The following PLD5 variants were observed in gnomAD, a reference collection of about 807,000 sequenced individuals.
PLD5 encodes inactive phospholipase D5.
Under a neutral mutation model 61.1 loss-of-function variants are expected in PLD5, and 36 were observed. The ratio of observed to expected loss-of-function variants is 0.59; its 90% CI spans 0.45 to 0.78. The LOEUF (loss-of-function observed/expected upper bound fraction) is 0.78, where lower values mean the gene tolerates loss of function less well. Ranked by LOEUF, PLD5 falls within the 30% of genes least tolerant of loss-of-function variation. The pLI is 0.00. For missense variants in PLD5, 515 were observed against 644.4 expected, an observed-to-expected ratio of 0.80 and a Z score of 2.17; for synonymous variants, 243 against 242.8, an observed-to-expected ratio of 1.00 and a Z score of -0.01.
At chr1:242,215,822 A>C (rs531809968) in intron 5 of PLD5, among the ~76,000 whole-genome samples, 14 of 152,240 alleles carry the variant, frequency 9.2e-5, no homozygotes, top group Admixed American at 5.9e-4. Flanking sequence ...CTGGACACAG[A>C]CACCATTCAC....
intron 1 of PLD5, among the ~76,000 whole-genome samples, chr1:242,395,226 C>T (rs1663501498): frequency 6.6e-6 from 1 of 151,734 alleles, no homozygotes; most frequent in South Asian, 2.1e-4. Context: ...TAAAGTTTTA[C>T]TTCATAGGCA....
chr1:242,095,311 C>T (rs1027139115), intron 9 of PLD5, among the ~76,000 whole-genome samples: 2 of 152,186 alleles, frequency 1.3e-5, no homozygotes, highest in East Asian at 3.9e-4. Context: ...TGGCTTACTG[C>T]AGCCTCTGTC....
At chr1:242,329,706 TTTC>T (rs1234788044) in intron 2 of PLD5, among the ~76,000 whole-genome samples, 1 of 152,044 alleles carries the variant, frequency 6.6e-6, no homozygotes, top group African/African-American at 2.4e-5. Flanking sequence ...ATCGGGGGAG[TTTC>T]TTGAGTCCTC....
intron 4 of PLD5, among the ~76,000 whole-genome samples, chr1:242,243,183 T>C (rs868210393): frequency 6.6e-6 from 1 of 152,224 alleles, no homozygotes; most frequent in Non-Finnish European, 1.5e-5. Flanking sequence ...GCCTGCTGTG[T>C]CTTACGCGAG....
chr1:242,117,047 A>G (rs758064060), intron 6 of PLD5, among the ~76,000 whole-genome samples: 5 of 152,290 alleles, frequency 3.3e-5, no homozygotes, highest in Non-Finnish European at 4.4e-5. Context: ...ATGTTCTAAC[A>G]TCTTTCTAAC....
At chr1:242,124,066 T>G (rs1662589838) in intron 6 of PLD5, among the ~76,000 whole-genome samples, 1 of 152,102 alleles carries the variant, frequency 6.6e-6, no homozygotes, top group African/African-American at 2.4e-5. Flanking sequence ...GTCTGAAAAA[T>G]CAATGTAGGG....
intron 2 of PLD5, among the ~76,000 whole-genome samples, 192 bp from the exon 3 acceptor site, chr1:242,288,722 G>A (rs1045196582): frequency 6.6e-6 from 1 of 152,120 alleles, no homozygotes; most frequent in Non-Finnish European, 1.5e-5. Flanking sequence ...ACTGTGTTCT[G>A]AGAGTTTATG....
At chr1:242,278,368 A>G (rs1490882685) in intron 3 of PLD5, among the ~76,000 whole-genome samples, 1 of 152,236 alleles carries the variant, frequency 6.6e-6, no homozygotes, top group Non-Finnish European at 1.5e-5. Flanking sequence ...TCATGGCCAT[A>G]TGATTGGATT....
intron 5 of PLD5, among the ~76,000 whole-genome samples, chr1:242,168,846 GT>G (rs34280777): frequency 0.016 from 1,827 of 111,252 alleles, 69 homozygotes; most frequent in African/African-American, 0.033. Flanking sequence ...AATTAATGAA[GT>G]TTTTTTTTTT....
intron 6 of PLD5, among the ~76,000 whole-genome samples, chr1:242,119,033 A>G (rs1662162553): frequency 6.6e-6 from 1 of 152,212 alleles, no homozygotes; most frequent in Non-Finnish European, 1.5e-5. Flanking sequence ...GTTCCATAGT[A>G]AAGTAGAAGA....
At chr1:242,374,509 T>C (rs984123120) in intron 1 of PLD5, among the ~76,000 whole-genome samples, 2 of 152,150 alleles carry the variant, frequency 1.3e-5, no homozygotes, top group Non-Finnish European at 2.9e-5. Flanking sequence ...CCAGGGCTTG[T>C]CACAGAAACC....
chr1:242,325,513 CAG>C (rs879262692), intron 2 of PLD5, among the ~76,000 whole-genome samples: 2 of 151,554 alleles, frequency 1.3e-5, no homozygotes, highest in Non-Finnish European at 2.9e-5. Context: ...GAGAGAGAGT[CAG>C]AGAGAGTCAG....
At chr1:242,181,569 G>A (rs1190854837) in intron 5 of PLD5, among the ~76,000 whole-genome samples, 1 of 151,992 alleles carries the variant, frequency 6.6e-6, no homozygotes, top group Non-Finnish European at 1.5e-5. Context: ...AACATCCTCT[G>A]CCTCCTGAGC....
chr1:242,137,268 C>G (rs184804212), intron 5 of PLD5, among the ~76,000 whole-genome samples: 3 of 152,296 alleles, frequency 2.0e-5, no homozygotes, highest in Admixed American at 2.0e-4. Flanking sequence ...GCACACAGCA[C>G]AAGTACCATC....
intron 1 of PLD5, among the ~76,000 whole-genome samples, chr1:242,387,158 A>G (rs1398806807): frequency 6.6e-6 from 1 of 152,244 alleles, no homozygotes; most frequent in Non-Finnish European, 1.5e-5. Flanking sequence ...CATGGATAAA[A>G]GAACTTAATT....
chr1:242,299,025 GAAA>G, intron 2 of PLD5, among the ~76,000 whole-genome samples: 1 of 141,548 alleles, frequency 7.1e-6, no homozygotes, highest in Non-Finnish European at 1.5e-5. Flanking sequence ...CAGGTGATTG[GAAA>G]AAAAAAAAAG....
chr1:242,106,584 T>C (rs754641888), intron 8 of PLD5, among the ~76,000 whole-genome samples: 1 of 152,186 alleles, frequency 6.6e-6, no homozygotes, highest in Non-Finnish European at 1.5e-5. Context: ...GCTAAAGGGA[T>C]GTTCCCTACC....
At chr1:242,123,795 A>T (rs1209931341) in intron 6 of PLD5, among the ~76,000 whole-genome samples, 2 of 152,198 alleles carry the variant, frequency 1.3e-5, no homozygotes, top group Admixed American at 6.5e-5. Flanking sequence ...AGATATTTAC[A>T]TTGCCCCTTT....
chr1:242,372,182 A>G (rs571805014), intron 1 of PLD5, among the ~76,000 whole-genome samples: 20 of 152,202 alleles, frequency 1.3e-4, no homozygotes, highest in African/African-American at 4.8e-4. Context: ...CATCATTATT[A>G]TTTTTTAAAT....
Sources: allele counts gnomAD v4.1 joint callset (sites outside exome capture counted in the v4.1 genomes callset), GRCh38; gene constraint gnomAD v4.1.1; transcripts MANE v1.5; gene names NCBI Gene and HGNC (gene_info 2026-07-23, HGNC 2026-07-21).